Variants in INPP5A observed in about 807,000 individuals in gnomAD.
The protein encoded by INPP5A is inositol polyphosphate-5-phosphatase A.
In INPP5A, 14 loss-of-function variants were observed where a neutral mutation model predicts 65.2. That is an observed-to-expected ratio of 0.21 (90% CI 0.14 to 0.34). INPP5A has a LOEUF of 0.34. Among genes scored for constraint, INPP5A ranks in the 10% least tolerant of loss-of-function variants. The probability of loss-of-function intolerance (pLI) is 1.00; values close to 1 mark genes in which losing one functional copy is unlikely to be tolerated. For missense variants in INPP5A, 431 were observed against 545.6 expected, an observed-to-expected ratio of 0.79 and a Z score of 2.09; for synonymous variants, 207 against 208.3, an observed-to-expected ratio of 0.99 and a Z score of 0.05.
At position 132,555,239 on chromosome 10, in the gene INPP5A, C is replaced by G. The variant is rs1221383676; in HGVS notation, c.75+17068C>G. ...CTGGGTGGTGATATGTGATGGTGCT[C>G]AGGCCCCTGTTCCTTCACCGTGCTG... is the stretch of plus-strand genomic sequence containing the variant. On this transcript the variant is annotated intron_variant, in intron 1 of 15. Coordinates refer to ENST00000368594, the MANE Select transcript of INPP5A (RefSeq NM_005539.5). This position sits in a 1 kb window ranked among gnomAD's most constrained non-coding sequence, Gnocchi z 4.4. 6.6e-6 allele frequency among the ~76,000 whole-genome samples: 1 copy of G among 151,916 alleles called. No homozygotes were observed. The highest frequency in any genetic ancestry group is 1.5e-5 in the Non-Finnish European group (1 of 67,972).
At chr10:132,725,661 C>T (rs143421342) in intron 8 of INPP5A, among the ~76,000 whole-genome samples, 150 of 152,358 alleles carry the variant, frequency 9.8e-4, no homozygotes, top group African/African-American at 3.4e-3. Flanking sequence ...CCAGCAGTGA[C>T]CTGCCCGGGC....
At chr10:132,564,784 C>A (rs970028284) in intron 1 of INPP5A, among the ~76,000 whole-genome samples, 4 of 152,176 alleles carry the variant, frequency 2.6e-5, no homozygotes, top group Non-Finnish European at 5.9e-5. Flanking sequence ...CAGATGGGCT[C>A]TTCTATGAGG....
At chr10:132,723,789 G>A (rs1436877393) in intron 8 of INPP5A, among the ~76,000 whole-genome samples, 1 of 152,114 alleles carries the variant, frequency 6.6e-6, no homozygotes, top group Non-Finnish European at 1.5e-5. Flanking sequence ...GCCCTCCCTC[G>A]GGAGCCTCTG....
intron 1 of INPP5A, among the ~76,000 whole-genome samples, chr10:132,570,143 C>T (rs904240886): frequency 3.3e-5 from 5 of 151,642 alleles, no homozygotes; most frequent in South Asian, 2.1e-4. Context: ...GACGGGGTTT[C>T]GCCTTATTGG....
intron 3 of INPP5A, among the ~76,000 whole-genome samples, chr10:132,648,031 AT>A (rs2072522303): frequency 6.6e-6 from 1 of 152,274 alleles, no homozygotes; most frequent in Admixed American, 6.5e-5. Context: ...GTCACTCAAA[AT>A]GAAGTCACTC....
rs191148025 is a variant in INPP5A, at chr10:132,702,650, C to T, written c.474+4731C>T. 4.8e-3 allele frequency among the ~76,000 whole-genome samples: 730 copies of T among 152,324 alleles called. 12 individuals carry two copies. The highest frequency in any genetic ancestry group is 0.01 in the Middle Eastern group (3 of 294). ...AGGGAGGTGCTGTGTCCCTGTGTCC[C>T]GGGCCCTACTGCCTGCCTGGAAGCA... On this transcript the variant is annotated intron_variant, in intron 6 of 15. Coordinates refer to ENST00000368594, the MANE Select transcript of INPP5A (RefSeq NM_005539.5).
chr10:132,689,374 C>T (rs1485743783), intron 4 of INPP5A, among the ~76,000 whole-genome samples: 1 of 152,232 alleles, frequency 6.6e-6, no homozygotes, highest in Non-Finnish European at 1.5e-5. Context: ...ACCGCCGCTT[C>T]AAACTCTCCC....
chr10:132,774,676 C>G (rs1156951741), intron 12 of INPP5A, among the ~76,000 whole-genome samples: 1 of 152,054 alleles, frequency 6.6e-6, no homozygotes, highest in Admixed American at 6.5e-5. Flanking sequence ...GCGACCCTAC[C>G]TACCCAGCCC....
rs1419199783 is a variant in INPP5A, at chr10:132,698,869, A to G, written c.474+950A>G. Among the ~76,000 whole-genome samples the G allele has an allele frequency of 1.3e-5, 2 of 152,252 alleles. No individual in the cohort carries two copies. Among genetic ancestry groups the G allele is most frequent in the Non-Finnish European group, 2.9e-5 (2 of 68,038 alleles). On this transcript the variant is annotated intron_variant, in intron 6 of 15. Coordinates refer to ENST00000368594, the MANE Select transcript of INPP5A (RefSeq NM_005539.5). The surrounding 1 kb of genome is among the most constrained non-coding windows in gnomAD (Gnocchi z 5.5). ...TACGGAGCTGACTTCCAGCAAGGCC[A>G]CAACTTTATTAACTTGCTTTATGGC...
intron 9 of INPP5A, among the ~76,000 whole-genome samples, chr10:132,738,428 C>T (rs1014695209): frequency 6.6e-6 from 1 of 152,256 alleles, no homozygotes; most frequent in Non-Finnish European, 1.5e-5. Flanking sequence ...CCCCTCCCCA[C>T]GTCCAGCCGT....
At chr10:132,567,780 A>G (rs991363322) in intron 1 of INPP5A, among the ~76,000 whole-genome samples, 2 of 152,186 alleles carry the variant, frequency 1.3e-5, no homozygotes, top group Non-Finnish European at 2.9e-5. Context: ...AATGTTCTCT[A>G]CATATAAAGC....
At chr10:132,765,896 T>G in intron 12 of INPP5A, 50 bp downstream of exon 12, 2 of 1,057,418 alleles carry the variant, frequency 1.9e-6, no homozygotes, top group Non-Finnish European at 3.0e-6. Context: ...AGGTGGCGTC[T>G]CCACCCTCCC....
In INPP5A at chr10:132,661,038, G is replaced by A. The variant is rs748893823; in HGVS notation, c.306+10533G>A. On this transcript the variant is annotated intron_variant, in intron 4 of 15. Transcript: ENST00000368594. ...GCACCTTGGCCAAGATGAGGATGCC[G>A]GATGGAGCATAGCCAGTCCTGGAAT... 3.5e-4 allele frequency among the ~76,000 whole-genome samples: 54 copies of A among 152,130 alleles called. 1 individual carries two copies. Among genetic ancestry groups the A allele is most frequent in the Admixed American group, 3.3e-3 (50 of 15,276 alleles).
chr10:132,595,935 A>C (rs1443976905), intron 1 of INPP5A, among the ~76,000 whole-genome samples: 1 of 151,056 alleles, frequency 6.6e-6, no homozygotes, highest in Non-Finnish European at 1.5e-5. Flanking sequence ...TAGTTTTTGT[A>C]TTGTTCTTTG....
chr10:132,671,397 T>C (rs146124586), intron 4 of INPP5A, among the ~76,000 whole-genome samples: 13,509 of 74,488 alleles, frequency 0.18, 40 homozygotes, highest in East Asian at 0.37. Flanking sequence ...CTCCCTGCTC[T>C]GGACTCCGCC....
rs899619752 is a variant in INPP5A, at chr10:132,564,879, G to T, written c.75+26708G>T. Among the ~76,000 whole-genome samples, 5 of 152,166 alleles carry T rather than the reference G, an allele frequency of 3.3e-5. No homozygotes were observed. The South Asian group carries it at 1.0e-3, about 32-fold the overall frequency. ...GTCTGTTGCATGCCCCCGTATGCCT[G>T]GGCCTGTGCTGGCCGTGAGAATTCC... On this transcript the variant is annotated intron_variant, in intron 1 of 15. Transcript: ENST00000368594.
At chr10:132,581,741 G>A (rs778961890) in intron 1 of INPP5A, among the ~76,000 whole-genome samples, 16 of 151,966 alleles carry the variant, frequency 1.1e-4, no homozygotes, top group South Asian at 2.1e-4. Flanking sequence ...GTTTGTTTTC[G>A]TTAGGGAGTT....
Position 132,782,241 on chromosome 10 carries a change from G to C in INPP5A, c.*212G>C. On this transcript the variant is annotated 3_prime_UTR_variant, in exon 16 of 16. Coordinates refer to ENST00000368594, the MANE Select transcript of INPP5A (RefSeq NM_005539.5). This position sits in a 1 kb window ranked among gnomAD's most constrained non-coding sequence, Gnocchi z 4.4. ...TCGTCTGTCTATGTGACATTAAGTAGAAATATTGGTTTTTTTTTTTTTTTT... is the reference window on the plus strand; with the variant it reads ...TCGTCTGTCTATGTGACATTAAGTACAAATATTGGTTTTTTTTTTTTTTTT... The C allele has an allele frequency of 2.2e-6, 1 of 448,088 alleles. No homozygotes were observed. Among genetic ancestry groups the C allele is most frequent in the Non-Finnish European group, 3.9e-6 (1 of 256,792 alleles). 27.8% of individuals were successfully genotyped at this position (448,088 alleles called of 1,614,324 possible). A position where few individuals can be genotyped will look rare whatever the true frequency, so the allele number is the denominator to read the frequency against.
At chr10:132,597,879 G>C (rs1201196084) in intron 1 of INPP5A, among the ~76,000 whole-genome samples, 2 of 151,362 alleles carry the variant, frequency 1.3e-5, no homozygotes, top group African/African-American at 4.9e-5. Context: ...TGTGGTGCGT[G>C]TTCCGGGGCT....
Sources: gnomAD v4.1 joint callset for allele counts (sites outside exome capture counted in the v4.1 genomes callset) on GRCh38, gnomAD v4.1.1 for gene constraint, Gnocchi (gnomAD v3.1) non-coding constraint, MANE v1.5 for transcripts, NCBI Gene and HGNC (gene_info 2026-07-23, HGNC 2026-07-21) for gene names.